FHIT: variants seen among roughly 807,000 people sequenced by gnomAD.
FHIT encodes fragile histidine triad diadenosine triphosphatase.
Under a neutral mutation model 17.9 loss-of-function variants are expected in FHIT, and 19 were observed. The observed-to-expected ratio is 1.06, with a 90% confidence interval of 0.74 to 1.56. FHIT has a LOEUF of 1.56. Ranked by LOEUF, FHIT falls within the 40% of genes most tolerant of loss-of-function variation. The pLI, the probability that FHIT is intolerant of heterozygous loss-of-function variation, is 0.00. For synonymous variants in FHIT, 81 were observed against 69.7 expected, an observed-to-expected ratio of 1.16 and a Z score of -0.81; for missense variants, 248 against 189.2, an observed-to-expected ratio of 1.31 and a Z score of -1.82.
At chr3:61,221,481 A>G (rs1027609233) in intron 1 of FHIT, among the ~76,000 whole-genome samples, 10 of 152,258 alleles carry the variant, frequency 6.6e-5, no homozygotes, top group African/African-American at 1.9e-4. Flanking sequence ...TTCCATCATT[A>G]CATAGACCTC....
intron 3 of FHIT, among the ~76,000 whole-genome samples, chr3:60,889,413 G>A (rs555366387): frequency 1.6e-4 from 24 of 152,248 alleles, no homozygotes; most frequent in Middle Eastern, 6.8e-3. Flanking sequence ...TTTTATATTC[G>A]ATGCCGTTTC....
intron 4 of FHIT, among the ~76,000 whole-genome samples, chr3:60,640,774 T>C (rs1369356495): frequency 1.3e-5 from 2 of 152,248 alleles, no homozygotes; most frequent in African/African-American, 4.8e-5. Flanking sequence ...TGCTTGCTCA[T>C]TTTATTGCAT....
At chr3:60,083,675 A>G (rs910974533) in intron 5 of FHIT, among the ~76,000 whole-genome samples, 2 of 152,188 alleles carry the variant, frequency 1.3e-5, no homozygotes, top group Non-Finnish European at 2.9e-5. Context: ...TCTGGAGAGT[A>G]CATATTTTAT....
chr3:60,344,680 T>C (rs960177956), intron 5 of FHIT, among the ~76,000 whole-genome samples: 35 of 152,322 alleles, frequency 2.3e-4, no homozygotes, highest in African/African-American at 7.9e-4. Context: ...TGTTGACTTT[T>C]AGGGTTTGTC....
intron 5 of FHIT, among the ~76,000 whole-genome samples, chr3:60,320,714 A>G (rs901203680): frequency 6.6e-6 from 1 of 152,218 alleles, no homozygotes; most frequent in East Asian, 1.9e-4. Context: ...AGATTTCTAT[A>G]AAACTTGTGC....
chr3:60,028,872 G>A (rs1324848635), intron 5 of FHIT, among the ~76,000 whole-genome samples: 1 of 152,084 alleles, frequency 6.6e-6, no homozygotes, highest in Non-Finnish European at 1.5e-5. Context: ...TTTAAAAAAC[G>A]TCCTATTTCA....
At chr3:60,341,561 C>T (rs1022499392) in intron 5 of FHIT, among the ~76,000 whole-genome samples, 10 of 152,022 alleles carry the variant, frequency 6.6e-5, no homozygotes, top group Non-Finnish European at 1.3e-4. Flanking sequence ...TTGAAGGTAA[C>T]ACACCATTGG....
At chr3:60,008,014 G>A (rs886508424) in intron 7 of FHIT, among the ~76,000 whole-genome samples, 5 of 152,082 alleles carry the variant, frequency 3.3e-5, no homozygotes, top group African/African-American at 7.2e-5. Flanking sequence ...TGGGGGTAGC[G>A]TGTCCTGAGA....
intron 5 of FHIT, among the ~76,000 whole-genome samples, chr3:60,390,308 G>A (rs1701168666): frequency 7.0e-6 from 1 of 143,738 alleles, no homozygotes. Context: ...TTTCCCTAGA[G>A]AACTCTAACA....
intron 3 of FHIT, among the ~76,000 whole-genome samples, chr3:60,945,279 G>C (rs531175338): frequency 2.6e-4 from 39 of 152,154 alleles, no homozygotes; most frequent in Non-Finnish European, 4.6e-4. Flanking sequence ...CAGACTGCAG[G>C]GAGAAAGGAG....
At chr3:59,975,664 A>C (rs757158037) in intron 7 of FHIT, among the ~76,000 whole-genome samples, 1 of 152,088 alleles carries the variant, frequency 6.6e-6, no homozygotes, top group Admixed American at 6.6e-5. Context: ...GAAGAGTAAG[A>C]AGCGTTACAG....
At chr3:59,984,821 G>A (rs1023785100) in intron 7 of FHIT, among the ~76,000 whole-genome samples, 1 of 152,054 alleles carries the variant, frequency 6.6e-6, no homozygotes, top group Non-Finnish European at 1.5e-5. Flanking sequence ...ACAACTGGGC[G>A]GGGCAGGGGC....
intron 2 of FHIT, among the ~76,000 whole-genome samples, chr3:61,102,975 T>A (rs571125548): frequency 2.0e-5 from 3 of 152,192 alleles, no homozygotes; most frequent in Non-Finnish European, 4.4e-5. Context: ...TAGTGGTCTA[T>A]CAATTTTGTT....
At chr3:59,821,115 C>T (rs995205255) in intron 8 of FHIT, among the ~76,000 whole-genome samples, 3 of 152,148 alleles carry the variant, frequency 2.0e-5, no homozygotes, top group South Asian at 2.1e-4. Context: ...TGAGCGCCAC[C>T]ATCTTGGAGA....
intron 2 of FHIT, among the ~76,000 whole-genome samples, chr3:61,191,481 G>A (rs2038714865): frequency 6.6e-6 from 1 of 152,126 alleles, no homozygotes; most frequent in African/African-American, 2.4e-5. Context: ...GAACTTCTCA[G>A]CTTCCAGAAT....
intron 4 of FHIT, among the ~76,000 whole-genome samples, chr3:60,548,416 A>T (rs777301029): frequency 7.2e-5 from 11 of 152,132 alleles, no homozygotes; most frequent in Non-Finnish European, 1.3e-4. Flanking sequence ...TGAGAGCATG[A>T]GGGCCTTCAA....
rs188421418 is a variant in FHIT, at chr3:60,714,872, T to C, written c.-18+107047A>G. ...TGGCCATACTGCCCAAGGTAATTTA[T>C]AGATTCAATGTCATCCCCATCAAGC... On this transcript the variant is annotated intron_variant, in intron 4 of 9. Transcript: ENST00000492590. 1.9e-3 allele frequency among the ~76,000 whole-genome samples: 294 copies of C among 152,312 alleles called. 3 individuals carry two copies. Among genetic ancestry groups the C allele is most frequent in the African/African-American group, 5.6e-3 (232 of 41,572 alleles).
intron 5 of FHIT, among the ~76,000 whole-genome samples, chr3:60,473,143 A>C (rs997459796): frequency 2.6e-5 from 4 of 152,222 alleles, no homozygotes; most frequent in African/African-American, 9.6e-5. Context: ...AAATTTTGAC[A>C]AATAGGTATA....
chr3:60,492,758 C>G (rs1009954935), intron 5 of FHIT, among the ~76,000 whole-genome samples: 11 of 152,088 alleles, frequency 7.2e-5, no homozygotes, highest in African/African-American at 2.4e-4. Context: ...CCACCCGCCT[C>G]TCTCCCAATG....
Sources: allele counts gnomAD v4.1 joint callset (sites outside exome capture counted in the v4.1 genomes callset), GRCh38; gene constraint gnomAD v4.1.1; transcripts MANE v1.5; gene names NCBI Gene and HGNC (gene_info 2026-07-23, HGNC 2026-07-21).